Variants in CDH19 observed in about 807,000 individuals in gnomAD.
The protein encoded by CDH19 is cadherin 19.
A neutral mutation model predicts 64.2 loss-of-function variants in CDH19; 67 were observed. The observed-to-expected ratio is 1.04, with a 90% CI of 0.86 to 1.28. CDH19 has a LOEUF of 1.28. Among genes scored for constraint, CDH19 ranks in the 50% most tolerant of loss-of-function variants. CDH19 has a pLI of 0.00. For missense variants in CDH19, 1,030 were observed against 929.0 expected, an observed-to-expected ratio of 1.11 and a Z score of -1.41; for synonymous variants, 346 against 319.3, an observed-to-expected ratio of 1.08 and a Z score of -0.89.
chr18:66,594,292 T>TA (rs1050275119), intron 1 of CDH19, among the ~76,000 whole-genome samples: 2 of 152,104 alleles, frequency 1.3e-5, no homozygotes, highest in Non-Finnish European at 2.9e-5. Context: ...CGAAGAAACT[T>TA]AGATAACCAC....
intron 1 of CDH19, among the ~76,000 whole-genome samples, chr18:66,599,002 A>G (rs1170260589): frequency 6.6e-6 from 1 of 152,190 alleles, no homozygotes; most frequent in Non-Finnish European, 1.5e-5. Context: ...TTCAAATTGT[A>G]TAATATAAAA....
chr18:66,576,304 A>G (rs1988264490), intron 1 of CDH19, among the ~76,000 whole-genome samples: 1 of 151,516 alleles, frequency 6.6e-6, no homozygotes. Context: ...GATTTAAAAT[A>G]TAAAGGTACA....
chr18:66,543,680 C>T (rs771144089), intron 7 of CDH19, among the ~76,000 whole-genome samples: 1 of 151,866 alleles, frequency 6.6e-6, no homozygotes, highest in Non-Finnish European at 1.5e-5. Flanking sequence ...GTCAGGAGTT[C>T]GAGACCAGCC....
At chr18:66,540,033 G>A (rs528013914) in intron 7 of CDH19, among the ~76,000 whole-genome samples, 1 of 152,160 alleles carries the variant, frequency 6.6e-6, no homozygotes, top group East Asian at 1.9e-4. Flanking sequence ...GGATCAATAT[G>A]TGTGCTCCCT....
chr18:66,506,935 A>C (rs1047171936), intron 11 of CDH19, among the ~76,000 whole-genome samples: 1 of 151,968 alleles, frequency 6.6e-6, no homozygotes, highest in Non-Finnish European at 1.5e-5. Flanking sequence ...ATATGGTTGA[A>C]ATAGAAAGGA....
At chr18:66,526,688 A>G (rs7234228) in intron 9 of CDH19, among the ~76,000 whole-genome samples, 2,612 of 152,180 alleles carry the variant, frequency 0.017, 67 homozygotes, top group African/African-American at 0.058. Flanking sequence ...TTCATGATAC[A>G]TCATCATCCA....
chr18:66,569,667 C>G (rs1988037625), intron 2 of CDH19, among the ~76,000 whole-genome samples: 4 of 151,620 alleles, frequency 2.6e-5, no homozygotes, highest in Admixed American at 2.0e-4. Flanking sequence ...CCGTCTAATT[C>G]TGATATAGTT....
chr18:66,566,436 A>G (rs1173447931), intron 3 of CDH19, among the ~76,000 whole-genome samples: 1 of 151,830 alleles, frequency 6.6e-6, no homozygotes, highest in Non-Finnish European at 1.5e-5. Flanking sequence ...AAACAAGCAA[A>G]AAGTCCTCTT....
chr18:66,592,983 C>G (rs1018427382), intron 1 of CDH19, among the ~76,000 whole-genome samples: 3 of 151,738 alleles, frequency 2.0e-5, no homozygotes, highest in Non-Finnish European at 4.4e-5. Context: ...AACCTTCATA[C>G]TGTTTTACAT....
chr18:66,504,781 G>C lies in CDH19; in HGVS notation c.*31C>G, dbSNP rs1205744067. The stretch of plus-strand genomic sequence containing the variant: ...TACCATTGGGTTCGAATACACATTA[G>C]CACTTTTAAAAATTTTGATGGTAAA... On this transcript the variant is annotated 3_prime_UTR_variant, in exon 12 of 12. Transcript: ENST00000262150. 1.1e-5 allele frequency: 18 copies of C among 1,566,532 alleles called. No individual in the cohort carries two copies. The highest frequency in any genetic ancestry group is 1.6e-5 in the Non-Finnish European group (18 of 1,153,512).
In CDH19 at chr18:66,524,388, C is replaced by A. The variant is rs1986124542; in HGVS notation, c.1458+5457G>T. ...GAGTTCGATTGTACATAGTTAATAA[C>A]AATTGACTATGGTTAATAACAACAT... On this transcript the variant is annotated intron_variant, in intron 9 of 11. Coordinates refer to ENST00000262150, the MANE Select transcript of CDH19 (RefSeq NM_021153.4). 2.6e-5 allele frequency among the ~76,000 whole-genome samples: 4 copies of A among 151,780 alleles called. No homozygotes were observed. The South Asian group carries it at 8.3e-4, about 32-fold the overall frequency.
At chr18:66,512,912 G>T (rs1367530194) in intron 9 of CDH19, among the ~76,000 whole-genome samples, 2 of 151,390 alleles carry the variant, frequency 1.3e-5, no homozygotes, top group African/African-American at 4.8e-5. Context: ...TCATTTTCAG[G>T]ATTATAGGTC....
intron 9 of CDH19, among the ~76,000 whole-genome samples, chr18:66,524,134 G>A (rs1035690651): frequency 6.6e-6 from 1 of 152,000 alleles, no homozygotes; most frequent in African/African-American, 2.4e-5. Flanking sequence ...AACATTCTTT[G>A]TCCTTTTTAT....
chr18:66,548,260 TA>T (rs200956972), intron 5 of CDH19, among the ~76,000 whole-genome samples: 8,784 of 47,214 alleles, frequency 0.19, 307 homozygotes, highest in South Asian at 0.33. Flanking sequence ...TATATATATA[TA>T]TTTTTTTAAA....
chr18:66,542,627 T>C (rs1986932937), intron 7 of CDH19, among the ~76,000 whole-genome samples: 1 of 152,178 alleles, frequency 6.6e-6, no homozygotes, highest in African/African-American at 2.4e-5. Context: ...CTCCTTTAAG[T>C]GGTATCCTGT....
chr18:66,572,652 C>A (rs1988142663), intron 1 of CDH19, among the ~76,000 whole-genome samples: 1 of 151,608 alleles, frequency 6.6e-6, no homozygotes, highest in African/African-American at 2.4e-5. Context: ...CATTCTTTCT[C>A]AGTAAAATAC....
In CDH19 at chr18:66,509,524, TTTAG is replaced by T. The variant is rs573355490; in HGVS notation, c.1577-282_1577-279del. Among the ~76,000 whole-genome samples the T allele has an allele frequency of 3.2e-3, 486 of 151,932 alleles. 1 individual carries two copies. Among genetic ancestry groups the T allele is most frequent in the African/African-American group, 8.1e-3 (336 of 41,518 alleles). ...TTAAATATTGAGTTGATACTACTTATTTAGTTAAAGTATTTATATTATTATTGAA... is the reference window on the plus strand; with the variant it reads ...TTAAATATTGAGTTGATACTACTTATTTAAAGTATTTATATTATTATTGAA... On this transcript the variant is annotated intron_variant, in intron 10 of 11. Coordinates refer to ENST00000262150, the MANE Select transcript of CDH19 (RefSeq NM_021153.4).
chr18:66,567,042 T>G (rs1987935986), intron 3 of CDH19, among the ~76,000 whole-genome samples: 1 of 151,884 alleles, frequency 6.6e-6, no homozygotes, highest in South Asian at 2.1e-4. Flanking sequence ...AGACAATTAA[T>G]AATCATCATA....
intron 1 of CDH19, among the ~76,000 whole-genome samples, chr18:66,582,496 AT>A (rs1258049898): frequency 5.9e-5 from 9 of 152,060 alleles, no homozygotes; most frequent in Admixed American, 5.2e-4. Flanking sequence ...AAAGGAAGCA[AT>A]ATTTTGGGGC....
Sources: allele counts gnomAD v4.1 joint callset (sites outside exome capture counted in the v4.1 genomes callset), GRCh38; gene constraint gnomAD v4.1.1; transcripts MANE v1.5; gene names NCBI Gene and HGNC (gene_info 2026-07-23, HGNC 2026-07-21).